ABCA12: variants seen among roughly 807,000 people sequenced by gnomAD.
ABCA12 encodes the protein ATP binding cassette subfamily A member 12.
A neutral mutation model predicts 293.5 loss-of-function variants in ABCA12; 156 were observed. The ratio of observed to expected loss-of-function variants is 0.53; its 90% CI spans 0.47 to 0.61. The LOEUF (loss-of-function observed/expected upper bound fraction) is 0.61, where lower values mean the gene tolerates loss of function less well. Among genes scored for constraint, ABCA12 ranks in the 20% least tolerant of loss-of-function variants. The probability of loss-of-function intolerance (pLI) is 0.00; values close to 1 mark genes in which losing one functional copy is unlikely to be tolerated. For missense variants in ABCA12, 2,797 were observed against 3,090.2 expected (o/e 0.91, Z 2.25); for synonymous variants, 1,063 against 1,108.0 (o/e 0.96, Z 0.81).
intron 36 of ABCA12, among the ~76,000 whole-genome samples, chr2:214,972,670 G>T (rs1699412901): frequency 6.6e-6 from 1 of 151,974 alleles, no homozygotes; most frequent in South Asian, 2.1e-4. Flanking sequence ...CCAAAGTACT[G>T]GGATTACAGG....
At chr2:215,062,060 C>A (rs903295152) in intron 3 of ABCA12, among the ~76,000 whole-genome samples, 1 of 152,002 alleles carries the variant, frequency 6.6e-6, no homozygotes, top group Non-Finnish European at 1.5e-5. Flanking sequence ...CTCAAGTAAA[C>A]CTCTTTGTGA....
intron 9 of ABCA12, among the ~76,000 whole-genome samples, chr2:215,027,606 G>C (rs528121754): frequency 6.6e-5 from 10 of 152,204 alleles, no homozygotes; most frequent in Non-Finnish European, 1.3e-4. Context: ...TTGAATCCTA[G>C]ATAAACAATG....
intron 34 of ABCA12, 73 bp downstream of exon 34, chr2:214,975,712 C>T: frequency 6.3e-7 from 1 of 1,586,492 alleles, no homozygotes; most frequent in Non-Finnish European, 8.7e-7. Flanking sequence ...GATCTCATGG[C>T]CTTCATTCAG....
At chr2:215,075,647 T>C (rs2106087874) in intron 2 of ABCA12, 5 of 657,840 alleles carry the variant, frequency 7.6e-6, no homozygotes, top group Middle Eastern at 2.4e-4. Context: ...TGTTCAAGTA[T>C]TAAGCACTTA....
intron 24 of ABCA12, among the ~76,000 whole-genome samples, chr2:214,990,299 T>A (rs934231874): frequency 6.6e-5 from 10 of 152,216 alleles, no homozygotes; most frequent in African/African-American, 1.7e-4. Context: ...GGTGCATTTG[T>A]CTTTACACCT....
intron 9 of ABCA12, among the ~76,000 whole-genome samples, chr2:215,030,882 G>A (rs1327469559): frequency 6.6e-6 from 1 of 152,136 alleles, no homozygotes; most frequent in Non-Finnish European, 1.5e-5. Flanking sequence ...AAGTAATCCT[G>A]TTTGTTTTTT....
chr2:215,064,098 C>T lies in ABCA12; in HGVS notation c.285G>A (p.Arg95=), dbSNP rs1701590193. 1 of 1,612,918 alleles carries T rather than the reference C, an allele frequency of 6.2e-7. No individual in the cohort carries two copies. The highest frequency in any genetic ancestry group is 8.5e-7 in the Non-Finnish European group (1 of 1,179,194). The part of the protein sequence containing the change: ...TPYGPQDLLR[R]KGIDDALFKD... ...TAAATAGTGCATCATCAATTCCTTT[C>T]CTACGAAGCAGATCTTGTGGGCCAT... The change falls in exon 3 of 53, where the codon AGG becomes AGA. Residue 95 remains arginine (R), a synonymous_variant. Transcript: ENST00000272895.
chr2:215,087,238 G>A (rs939991182), intron 2 of ABCA12, among the ~76,000 whole-genome samples: 5 of 152,012 alleles, frequency 3.3e-5, no homozygotes, highest in South Asian at 2.1e-4. Context: ...CACCATGCCC[G>A]GCCCAGTTAA....
rs1030071488 is a variant in ABCA12, at chr2:215,026,955, G to T, written c.1062-17C>A. 5 of 1,512,756 alleles carry T rather than the reference G, an allele frequency of 3.3e-6. No individual in the cohort carries two copies. The highest frequency in any genetic ancestry group is 4.6e-6 in the Non-Finnish European group (5 of 1,088,674). The allele number at this position is 1,512,756 out of a possible 1,614,324, so 93.7% of individuals were successfully genotyped here. A position where few individuals can be genotyped will look rare whatever the true frequency, so the allele number is the denominator to read the frequency against. ...ATTAGGAGCCTGCAGAATTAGAAAAGAATATAGAAATTAAGACATATAAAA... is the reference window on the plus strand; with the variant it reads ...ATTAGGAGCCTGCAGAATTAGAAAATAATATAGAAATTAAGACATATAAAA... On this transcript the variant is annotated splice_polypyrimidine_tract_variant and intron_variant, in intron 9 of 52. Transcript: ENST00000272895.
chr2:214,971,840 TA>T (rs1699392347), intron 36 of ABCA12, among the ~76,000 whole-genome samples: 1 of 152,204 alleles, frequency 6.6e-6, no homozygotes, highest in Admixed American at 6.5e-5. Context: ...CAAGTAGTTT[TA>T]AAAACTGTTT....
rs1699891841 is a variant in ABCA12, at chr2:214,990,693, T to G, written c.3624+9A>C. ...ATTTCCCACTCTGCCATTCCAACGGTTGACTTACCATGAACACTTTCAATA... is the reference window on the plus strand; with the variant it reads ...ATTTCCCACTCTGCCATTCCAACGGGTGACTTACCATGAACACTTTCAATA... On this transcript the variant is annotated intron_variant, in intron 24 of 52. Transcript: ENST00000272895. The G allele has an allele frequency of 6.2e-7, 1 of 1,613,358 alleles. No homozygotes were observed. The highest frequency in any genetic ancestry group is 1.3e-5 in the African/African-American group (1 of 74,852).
intron 39 of ABCA12, among the ~76,000 whole-genome samples, chr2:214,964,436 T>A (rs1006814484): frequency 6.6e-6 from 1 of 152,160 alleles, no homozygotes; most frequent in South Asian, 2.1e-4. Context: ...AAAGTCAAAT[T>A]ATCTTTGTTT....
At chr2:215,133,925 G>C (rs1011239904) in intron 1 of ABCA12, among the ~76,000 whole-genome samples, 32 of 152,072 alleles carry the variant, frequency 2.1e-4, no homozygotes, top group Admixed American at 2.0e-3. Flanking sequence ...ATTCATGCTT[G>C]AAGAAATCTG....
rs751949857 is a variant in ABCA12 at position 214,949,143 on chromosome 2, CA to C, written c.6858del (p.Phe2286LeufsTer6). 3.1e-6 allele frequency: 5 copies of C among 1,612,464 alleles called. No individual in the cohort carries two copies. The East Asian group carries it at 1.1e-4, about 36-fold the overall frequency. On this transcript the variant is annotated frameshift_variant, in exon 46 of 53. Coordinates refer to ENST00000272895, the MANE Select transcript of ABCA12 (RefSeq NM_173076.3). LOFTEE classifies it high-confidence loss of function. ...CCTGCTCCATTCACTCCAAGAAGCC[CA>C]AAACACTGGTTTGAGGGAGAAAAAG... Reference protein sequence around the residue: ...ISIGIPAGECFGLLGVNGAGK... With the variant: ...ISIGIPAGECXGLLGVNGAGK...
rs760482242 is a variant in ABCA12, at chr2:214,947,527, G to T, written c.7134C>A (p.His2378Gln). ...ETVHKLLRRL[H>Q]LMPFKDRATS... ...TAGCTCTGTCCTTGAAGGGCATCAG[G>T]TGAAGTCTCCTAAGGAGTTTATGAA... is the stretch of plus-strand genomic sequence containing the variant. The change falls in exon 48 of 53, where the codon CAC (histidine) becomes CAA (glutamine). Residue 2378 changes from histidine (H) to glutamine (Q), a missense_variant. This residue lies in a region of ABCA12 where 2,130 missense variants were observed against 2,427.0 expected (regional missense o/e 0.88). Transcript: ENST00000272895. 5.6e-6 allele frequency: 9 copies of T among 1,613,770 alleles called. No individual in the cohort carries two copies. In the East Asian group the frequency reaches 1.8e-4, roughly 32 times the overall value.
At chr2:214,948,508 AG>A (rs1326530825) in intron 47 of ABCA12, 87 bp downstream of exon 47, 8 of 1,342,594 alleles carry the variant, frequency 6.0e-6, no homozygotes, top group Admixed American at 4.4e-5. Context: ...ATGGTGGGGC[AG>A]GGGGGACAGT....
intron 5 of ABCA12, chr2:215,050,783 CA>C: frequency 1.0e-6 from 1 of 985,184 alleles, no homozygotes; most frequent in Non-Finnish European, 1.2e-6. Flanking sequence ...TAACATTCCA[CA>C]TAAACTCACC....
In ABCA12 at chr2:215,107,498, G is replaced by T. The variant is rs567618910; in HGVS notation, c.163+4099C>A. 4.6e-5 allele frequency among the ~76,000 whole-genome samples: 7 copies of T among 152,294 alleles called. No individual in the cohort carries two copies. In the South Asian group the frequency reaches 1.5e-3, roughly 32 times the overall value. On this transcript the variant is annotated intron_variant, in intron 2 of 52. Coordinates refer to ENST00000272895, the MANE Select transcript of ABCA12 (RefSeq NM_173076.3). The stretch of plus-strand genomic sequence containing the variant: ...GGCTCAAAAGGTTTTCTTCACCTGG[G>T]ATTTATTCTTTGCAGAGGCTAGTTA...
At chr2:214,937,759 T>C in intron 50 of ABCA12, 144 bp from the exon 51 acceptor site, 1 of 658,558 alleles carries the variant, frequency 1.5e-6, no homozygotes, top group Non-Finnish European at 2.7e-6. Context: ...CCATAAAAGT[T>C]CAGGACATGT....
Sources: gnomAD v4.1 joint callset for allele counts (sites outside exome capture counted in the v4.1 genomes callset) on GRCh38, gnomAD v4.1.1 for gene constraint, gnomAD v4.1.1 regional missense constraint, MANE v1.5 for transcripts, NCBI Gene and HGNC (gene_info 2026-07-23, HGNC 2026-07-21) for gene names.